PTCHD4: variants seen among roughly 807,000 people sequenced by gnomAD.
PTCHD4 encodes the protein patched domain containing 4.
A neutral mutation model predicts 58.1 loss-of-function variants in PTCHD4; 33 were observed. The ratio of observed to expected loss-of-function variants is 0.57; its 90% CI spans 0.43 to 0.76. The LOEUF (loss-of-function observed/expected upper bound fraction) is 0.76, where lower values mean the gene tolerates loss of function less well. Ranked by LOEUF, PTCHD4 falls within the 30% of genes least tolerant of loss-of-function variation. The pLI is 0.00. For synonymous variants in PTCHD4, 478 were observed against 409.6 expected, an observed-to-expected ratio of 1.17 and a Z score of -2.02; for missense variants, 1,058 against 1,027.1, an observed-to-expected ratio of 1.03 and a Z score of -0.41.
intron 3 of PTCHD4, among the ~76,000 whole-genome samples, chr6:48,014,890 T>A (rs1464352810): frequency 6.6e-6 from 1 of 152,138 alleles, no homozygotes; most frequent in Non-Finnish European, 1.5e-5. Context: ...TCTAGAGTCC[T>A]AGGGGAGCGA....
chr6:47,976,760 A>C (rs1159318341), intron 4 of PTCHD4, among the ~76,000 whole-genome samples: 1 of 151,860 alleles, frequency 6.6e-6, no homozygotes, highest in African/African-American at 2.4e-5. Context: ...AAAGAATATA[A>C]ATAGATAATT....
chr6:47,968,561 G>A (rs1487076808), intron 4 of PTCHD4, among the ~76,000 whole-genome samples: 2 of 152,124 alleles, frequency 1.3e-5, no homozygotes, highest in Non-Finnish European at 2.9e-5. Flanking sequence ...AACAAGATAT[G>A]CCTGGATTTG....
At chr6:48,075,658 G>T (rs1765051260) in intron 1 of PTCHD4, among the ~76,000 whole-genome samples, 1 of 152,034 alleles carries the variant, frequency 6.6e-6, no homozygotes, top group Non-Finnish European at 1.5e-5. Flanking sequence ...CAAATTTTTT[G>T]GTTTCCCAGT....
At chr6:47,944,293 G>A (rs2113931242) in intron 4 of PTCHD4, among the ~76,000 whole-genome samples, 1 of 152,108 alleles carries the variant, frequency 6.6e-6, no homozygotes, top group Non-Finnish European at 1.5e-5. Context: ...TCATAAGTAA[G>A]GATAACCCCT....
At chr6:48,092,603 C>A (rs1295919052) in intron 1 of PTCHD4, among the ~76,000 whole-genome samples, 2 of 152,148 alleles carry the variant, frequency 1.3e-5, no homozygotes, top group Non-Finnish European at 2.9e-5. Flanking sequence ...TATAAATGGT[C>A]TTGACATCTT....
chr6:47,936,081 G>C (rs954601404), intron 4 of PTCHD4, among the ~76,000 whole-genome samples: 1 of 152,150 alleles, frequency 6.6e-6, no homozygotes, highest in African/African-American at 2.4e-5. Context: ...GAAATGACCT[G>C]GTCTGATTTA....
At chr6:47,918,682 AT>A (rs1765336430) in intron 4 of PTCHD4, among the ~76,000 whole-genome samples, 1 of 152,170 alleles carries the variant, frequency 6.6e-6, no homozygotes, top group Admixed American at 6.6e-5. Context: ...GGAAAAAAAA[AT>A]CACTTCAAAT....
chr6:48,090,601 G>C (rs963730432), intron 1 of PTCHD4, among the ~76,000 whole-genome samples: 1 of 152,066 alleles, frequency 6.6e-6, no homozygotes, highest in African/African-American at 2.4e-5. Flanking sequence ...ATCTCAGAAG[G>C]GGTAAAATAA....
chr6:47,909,069 C>G (rs1427148695), intron 4 of PTCHD4, among the ~76,000 whole-genome samples: 1 of 152,108 alleles, frequency 6.6e-6, no homozygotes, highest in Non-Finnish European at 1.5e-5. Context: ...ATTAAAACCA[C>G]AAATTATGTT....
intron 1 of PTCHD4, among the ~76,000 whole-genome samples, chr6:48,105,159 GCACCA>G (rs1765692143): frequency 6.6e-6 from 1 of 152,148 alleles, no homozygotes; most frequent in Non-Finnish European, 1.5e-5. Context: ...ATTCTTTTCA[GCACCA>G]CACCACACCT....
rs145622927 is a variant in PTCHD4, at chr6:48,003,846, G to A, written c.898+4788C>T. 6.6e-5 allele frequency among the ~76,000 whole-genome samples: 10 copies of A among 152,220 alleles called. No individual in the cohort carries two copies. The East Asian group carries it at 1.7e-3, about 26-fold the overall frequency. Reference sequence around the variant, plus strand: ...TCTTGCTCTTCTTCAGCTTCGCCAAGCAAGGTCCTATATTAAAGCCTTAGC... The same window carrying A: ...TCTTGCTCTTCTTCAGCTTCGCCAAACAAGGTCCTATATTAAAGCCTTAGC... On this transcript the variant is annotated intron_variant, in intron 4 of 4. Transcript: ENST00000339488.
At position 47,879,492 on chromosome 6, in the gene PTCHD4, C is replaced by T. The variant is rs369189426; in HGVS notation, c.1343G>A (p.Arg448His). 188 of 1,613,492 alleles carry T rather than the reference C, an allele frequency of 1.2e-4. No homozygotes were observed. The highest frequency in any genetic ancestry group is 3.3e-4 in the Admixed American group (20 of 59,934). Residue 448 changes from arginine to histidine, a missense_variant, in exon 5 of 5, where the codon CGT becomes CAT. Physicochemically the swap from Arg to His is conservative, Grantham distance 29. Transcript: ENST00000339488. Reference protein sequence around the residue: ...YQHHFIQHFLREHYNEWITNI... With the variant: ...YQHHFIQHFLHEHYNEWITNI... ...GGTAATCCATTCATTATAATGTTCA[C>T]GGAGGAAGTGCTGAATGAAGTGGTG...
In PTCHD4 at chr6:48,004,568, T is replaced by G. The variant is rs376981455; in HGVS notation, c.898+4066A>C. ...TAGTGCCATTCTCATTGGTATGTGC[T>G]TAGAGAGAGAAAGGATGTTAGGCTA... is the stretch of plus-strand genomic sequence containing the variant. On this transcript the variant is annotated intron_variant, in intron 4 of 4. Coordinates refer to ENST00000339488, the MANE Select transcript of PTCHD4 (RefSeq NM_001384253.1). Among the ~76,000 whole-genome samples the G allele has an allele frequency of 1.3e-3, 197 of 152,294 alleles. 4 individuals carry two copies. The South Asian group carries it at 0.038, about 30-fold the overall frequency.
At chr6:48,040,349 T>C (rs1020594703) in intron 3 of PTCHD4, among the ~76,000 whole-genome samples, 1 of 152,094 alleles carries the variant, frequency 6.6e-6, no homozygotes, top group African/African-American at 2.4e-5. Flanking sequence ...ATCCTAACTT[T>C]TTCCTTATAA....
chr6:48,088,620 A>C (rs1765306780), intron 1 of PTCHD4, among the ~76,000 whole-genome samples: 1 of 152,202 alleles, frequency 6.6e-6, no homozygotes, highest in South Asian at 2.1e-4. Context: ...ATCTTGTAGG[A>C]ATACCATTAA....
chr6:48,101,457 C>T (rs1765600595), intron 1 of PTCHD4, among the ~76,000 whole-genome samples: 1 of 152,134 alleles, frequency 6.6e-6, no homozygotes, highest in African/African-American at 2.4e-5. Flanking sequence ...GTTAACACTT[C>T]CTCTCAGAAA....
At position 47,941,244 on chromosome 6, in the gene PTCHD4, T is replaced by C. The variant is rs1212114529; in HGVS notation, c.899-61308A>G. On this transcript the variant is annotated intron_variant, in intron 4 of 4. Coordinates refer to ENST00000339488, the MANE Select transcript of PTCHD4 (RefSeq NM_001384253.1). ...AAGAAAAGCAGAAGACATACTTGTG[T>C]TCTTCCAGAAAAAGCAAAAGACATG... Among the ~76,000 whole-genome samples the C allele has an allele frequency of 2.0e-5, 3 of 152,194 alleles. No homozygotes were observed. The South Asian group carries it at 6.2e-4, about 32-fold the overall frequency.
chr6:48,047,233 C>T (rs1241240182), intron 3 of PTCHD4, among the ~76,000 whole-genome samples: 1 of 151,620 alleles, frequency 6.6e-6, no homozygotes, highest in Non-Finnish European at 1.5e-5. Context: ...CCACTCCTGG[C>T]CAGCTTCCAG....
At chr6:48,044,573 G>A (rs1039674096) in intron 3 of PTCHD4, among the ~76,000 whole-genome samples, 2 of 151,834 alleles carry the variant, frequency 1.3e-5, no homozygotes, top group African/African-American at 4.8e-5. Flanking sequence ...GCAATGTACA[G>A]CCCACCAAAC....
Sources: allele counts gnomAD v4.1 joint callset (sites outside exome capture counted in the v4.1 genomes callset), GRCh38; gene constraint gnomAD v4.1.1; transcripts MANE v1.5; gene names NCBI Gene and HGNC (gene_info 2026-07-23, HGNC 2026-07-21).